Variants in UBE3D observed in about 807,000 individuals in gnomAD.
UBE3D encodes the protein ubiquitin protein ligase E3D, also known as E3 ubiquitin-protein ligase E3D.
UBE3D carries 48 observed loss-of-function variants against 49.6 expected under a neutral mutation model. The observed-to-expected ratio is 0.97, with a 90% CI of 0.77 to 1.23. UBE3D has a LOEUF of 1.23. Among genes scored for constraint, UBE3D ranks in the 50% most tolerant of loss-of-function variants. The probability of loss-of-function intolerance (pLI) is 0.00; values close to 1 mark genes in which losing one functional copy is unlikely to be tolerated. For missense variants in UBE3D, 452 were observed against 468.4 expected (o/e 0.96, Z 0.32); for synonymous variants, 189 against 174.2 (o/e 1.08, Z -0.67).
At position 82,968,860 on chromosome 6, in the gene UBE3D, T is replaced by G. The variant is rs570972636; in HGVS notation, c.1011-11410A>C. Among the ~76,000 whole-genome samples, 70 of 152,340 alleles carry G rather than the reference T, an allele frequency of 4.6e-4. 1 individual carries two copies. The South Asian group carries it at 0.012, about 27-fold the overall frequency. On this transcript the variant is annotated intron_variant, in intron 8 of 9. Coordinates refer to ENST00000369747, the MANE Select transcript of UBE3D (RefSeq NM_198920.3). ...TCTGTGAATTACATTTTAAAAATTT[T>G]ATCTTATTTTCAAATTTTGTTGAGT...
chr6:82,984,487 AAG>A (rs1778325192), intron 8 of UBE3D, among the ~76,000 whole-genome samples: 1 of 152,172 alleles, frequency 6.6e-6, no homozygotes, highest in Non-Finnish European at 1.5e-5. Flanking sequence ...TCCCTCCATA[AAG>A]ATTGTACCAT....
At chr6:82,909,467 ATAT>A (rs1231499857) in intron 9 of UBE3D, among the ~76,000 whole-genome samples, 4 of 152,184 alleles carry the variant, frequency 2.6e-5, no homozygotes, top group Non-Finnish European at 5.9e-5. Flanking sequence ...CATTCAAGAG[ATAT>A]TATTCAGAAA....
chr6:82,995,235 G>C (rs527674594), intron 8 of UBE3D, among the ~76,000 whole-genome samples: 2 of 152,148 alleles, frequency 1.3e-5, no homozygotes, highest in African/African-American at 2.4e-5. Context: ...AAAAGCAAAT[G>C]ATTTTGCTTA....
chr6:82,891,863 T>C (rs1006974103), downstream of UBE3D, among the ~76,000 whole-genome samples: 1 of 152,102 alleles, frequency 6.6e-6, no homozygotes, highest in African/African-American at 2.4e-5. Context: ...CTGTCTCTAC[T>C]AAAAATACAA....
chr6:83,029,457 AT>A (rs1781712931), intron 5 of UBE3D, among the ~76,000 whole-genome samples: 1 of 151,774 alleles, frequency 6.6e-6, no homozygotes, highest in South Asian at 2.1e-4. Flanking sequence ...TTTTTCTTTG[AT>A]TTTTCTAATT....
chr6:82,912,458 A>G (rs1354279368), intron 9 of UBE3D, among the ~76,000 whole-genome samples: 1 of 151,648 alleles, frequency 6.6e-6, no homozygotes, highest in East Asian at 1.9e-4. Context: ...TTTTTTTTTA[A>G]TCAAGGCTTT....
At chr6:82,974,339 A>C (rs1426859488) in intron 8 of UBE3D, among the ~76,000 whole-genome samples, 3 of 152,104 alleles carry the variant, frequency 2.0e-5, no homozygotes, top group Non-Finnish European at 4.4e-5. Flanking sequence ...ACGTATCCAT[A>C]GGGGATTGGT....
At chr6:82,982,586 C>T (rs746098524) in intron 8 of UBE3D, among the ~76,000 whole-genome samples, 3 of 152,154 alleles carry the variant, frequency 2.0e-5, no homozygotes, top group Admixed American at 6.6e-5. Context: ...CCCTGTCCCC[C>T]GAATTTCCTA....
chr6:82,896,314 G>T (rs1013064173), intron 9 of UBE3D, among the ~76,000 whole-genome samples: 8 of 152,174 alleles, frequency 5.3e-5, no homozygotes, highest in Admixed American at 5.2e-4. Flanking sequence ...CAAAGTAAAA[G>T]TTTTAAAGCT....
At chr6:83,038,949 C>T (rs778364857) in intron 4 of UBE3D, among the ~76,000 whole-genome samples, 2 of 152,112 alleles carry the variant, frequency 1.3e-5, no homozygotes, top group African/African-American at 2.4e-5. Flanking sequence ...CCCTTAACTA[C>T]AATAAATGAA....
intron 9 of UBE3D, among the ~76,000 whole-genome samples, chr6:82,946,885 A>T (rs1775445589): frequency 6.6e-6 from 1 of 151,982 alleles, no homozygotes; most frequent in East Asian, 1.9e-4. Flanking sequence ...TGCAAACCTC[A>T]TGTTAACAAA....
At chr6:82,904,888 G>A (rs1026968804) in intron 9 of UBE3D, among the ~76,000 whole-genome samples, 11 of 152,198 alleles carry the variant, frequency 7.2e-5, no homozygotes, top group African/African-American at 2.6e-4. Flanking sequence ...TCAAATATAA[G>A]AATGTAGGTT....
chr6:82,903,903 G>A (rs1771914218), intron 9 of UBE3D, among the ~76,000 whole-genome samples: 1 of 152,154 alleles, frequency 6.6e-6, no homozygotes, highest in Non-Finnish European at 1.5e-5. Context: ...TTCACCAGAA[G>A]CCTTGGGTTT....
Position 83,019,069 on chromosome 6 carries a change from A to T in UBE3D, c.914T>A (p.Phe305Tyr), listed in dbSNP as rs771501277. ...TTTGAATGTGTTTTCCAACAAGGGG[A>T]ATTTTTTGATATATTTGGAATTTCT... Reference protein sequence around the residue: ...SLRNSKYIKKFPLLENTFKAD... With the variant: ...SLRNSKYIKKYPLLENTFKAD... The change falls in exon 8 of 10, where the codon TTC (phenylalanine) becomes TAC (tyrosine). Residue 305 changes from phenylalanine (F) to tyrosine (Y), a missense_variant. Physicochemically the swap from Phe to Tyr is conservative, Grantham distance 22. Transcript: ENST00000369747. 1.1e-5 allele frequency: 18 copies of T among 1,613,860 alleles called. No homozygotes were observed. In the East Asian group the frequency reaches 4.0e-4, roughly 36 times the overall value.
intron 5 of UBE3D, among the ~76,000 whole-genome samples, chr6:83,035,061 G>A (rs1782148549): frequency 1.3e-5 from 2 of 151,476 alleles, no homozygotes; most frequent in South Asian, 4.2e-4. Flanking sequence ...TGCACCTGTG[G>A]TCCCGGCTAC....
intron 1 of UBE3D, among the ~76,000 whole-genome samples, chr6:83,059,415 C>G (rs1784023344): frequency 6.6e-6 from 1 of 152,158 alleles, no homozygotes; most frequent in Admixed American, 6.5e-5. Context: ...AAAAATCCAA[C>G]TCTTAGCTCA....
rs1782895756 is a variant in UBE3D at position 83,044,553 on chromosome 6, C to T, written c.472G>A (p.Glu158Lys). The change falls in exon 4 of 10, where the codon GAG (glutamate) becomes AAG (lysine). Residue 158 changes from glutamate (E) to lysine (K), a missense_variant. Physicochemically the swap from Glu to Lys is moderately conservative, Grantham distance 56. Coordinates refer to ENST00000369747, the MANE Select transcript of UBE3D (RefSeq NM_198920.3). ...GAGTCTCCAATAAAACAGTCATTCT[C>T]TTGCGGATGAAGTGATTTATTAGCA... ...PFANKSLHPQ[E>K]NDCFIGDSFF... The T allele has an allele frequency of 1.9e-6, 3 of 1,614,032 alleles. No homozygotes were observed. The highest frequency in any genetic ancestry group is 2.5e-6 in the Non-Finnish European group (3 of 1,180,020).
chr6:82,994,636 T>A lies in UBE3D; in HGVS notation c.1010+24337A>T, dbSNP rs2480092. Among the ~76,000 whole-genome samples the A allele has an allele frequency of 7.2e-5, 11 of 152,228 alleles. No individual in the cohort carries two copies. The East Asian group carries it at 1.7e-3, about 24-fold the overall frequency. On this transcript the variant is annotated intron_variant, in intron 8 of 9. Coordinates refer to ENST00000369747, the MANE Select transcript of UBE3D (RefSeq NM_198920.3). ...CATGAAGAGGGACAAACACCTGAAC[T>A]AGGTTGATGCAATGATGAAGAGAAA...
intron 8 of UBE3D, 125 bp from the exon 9 acceptor site, chr6:82,957,575 A>C: frequency 2.6e-6 from 3 of 1,154,890 alleles, no homozygotes; most frequent in Non-Finnish European, 3.6e-6. Flanking sequence ...GAAATAAACT[A>C]TATTAAAAAT....
Sources: allele counts gnomAD v4.1 joint callset (sites outside exome capture counted in the v4.1 genomes callset), GRCh38; gene constraint gnomAD v4.1.1; transcripts MANE v1.5; gene names NCBI Gene and HGNC (gene_info 2026-07-23, HGNC 2026-07-21).